Variants in CLEC1A observed in about 807,000 individuals in gnomAD.
CLEC1A encodes C-type lectin domain family 1 member A, also known as C-type lectin-like receptor-1.
A neutral mutation model predicts 28.7 loss-of-function variants in CLEC1A; 34 were observed. The observed-to-expected ratio is 1.18, with a 90% CI of 0.90 to 1.57. The LOEUF (loss-of-function observed/expected upper bound fraction) is 1.57, where lower values mean the gene tolerates loss of function less well. Among genes scored for constraint, CLEC1A ranks in the 40% most tolerant of loss-of-function variants. The pLI is 0.00. For synonymous variants in CLEC1A, 116 were observed against 121.0 expected, an observed-to-expected ratio of 0.96 and a Z score of 0.27; for missense variants, 385 against 339.5, an observed-to-expected ratio of 1.13 and a Z score of -1.05.
chr12:10,083,246 C>A (rs1866407397), intron 2 of CLEC1A, among the ~76,000 whole-genome samples: 2 of 152,146 alleles, frequency 1.3e-5, no homozygotes, highest in Admixed American at 6.5e-5. Flanking sequence ...CACTGAAATA[C>A]CCAATAGACC....
chr12:10,074,460 A>G lies in CLEC1A; in HGVS notation c.543+1044T>C, dbSNP rs558367768. On this transcript the variant is annotated intron_variant, in intron 4 of 5. Transcript: ENST00000315330. ...CAAATCATATGAAAAAGATTTAAAT[A>G]TATACAAATATATGAAGTTCATGAT... 3.3e-5 allele frequency among the ~76,000 whole-genome samples: 5 copies of G among 152,314 alleles called. No homozygotes were observed. The East Asian group carries it at 5.8e-4, about 18-fold the overall frequency.
chr12:10,081,378 CTT>C lies in CLEC1A; in HGVS notation c.248_249del (p.Gln83ArgfsTer36), dbSNP rs1242226676. 2.5e-6 allele frequency: 4 copies of C among 1,612,314 alleles called. No homozygotes were observed. In the South Asian group the frequency reaches 4.4e-5, roughly 18 times the overall value. On this transcript the variant is annotated frameshift_variant, in exon 3 of 6. Transcript: ENST00000315330. LOFTEE classifies it high-confidence loss of function. ...CTTTCTTCCATTTGAGAAATGGTGT[CTT>C]GACCAGTATTGGAGAGCTGGTAGTA... is the stretch of plus-strand genomic sequence containing the variant. ...FQYYQLSNTG[Q>X]DTISQMEERL...
At position 10,075,624 on chromosome 12, in the gene CLEC1A, C is replaced by T; in HGVS notation, c.423G>A (p.Trp141Ter). The change falls in exon 4 of 6, where the codon TGG becomes TGA. Residue 141 changes from tryptophan to a stop codon, truncating the protein, a stop_gained. Transcript: ENST00000315330. LOFTEE classifies it high-confidence loss of function. ...GGTAGCAATTGTCTCCATGCCATTT[C>T]CATTGTTCTGTACAAGGGCTGCACC... Reference protein sequence around the residue: ...AHRCSPCTEQWKWHGDNCYQF... With the variant: ...AHRCSPCTEQ 6.2e-7 allele frequency: 1 copy of T among 1,614,048 alleles called. No homozygotes were observed. Among genetic ancestry groups the T allele is most frequent in the Non-Finnish European group, 8.5e-7 (1 of 1,179,946 alleles).
chr12:10,096,136 C>G (rs1293882715), intron 1 of CLEC1A, among the ~76,000 whole-genome samples: 1 of 152,168 alleles, frequency 6.6e-6, no homozygotes, highest in Non-Finnish European at 1.5e-5. Context: ...GCCCAACCCA[C>G]ATCCTGCATA....
At chr12:10,082,852 G>A (rs1239728624) in intron 2 of CLEC1A, among the ~76,000 whole-genome samples, 6 of 152,344 alleles carry the variant, frequency 3.9e-5, no homozygotes, top group Admixed American at 3.3e-4. Context: ...GAGGTCCTGA[G>A]TGCATCCATC....
At chr12:10,071,570 T>C (rs1866135743) in intron 5 of CLEC1A, 57 bp from the exon 6 acceptor site, 1 of 1,326,206 alleles carries the variant, frequency 7.5e-7, no homozygotes, top group Non-Finnish European at 1.0e-6. Flanking sequence ...AATAAAATAT[T>C]AAATACCCAT....
chr12:10,095,901 G>A (rs1947770328), intron 1 of CLEC1A, among the ~76,000 whole-genome samples: 1 of 151,984 alleles, frequency 6.6e-6, no homozygotes, highest in African/African-American at 2.4e-5. Flanking sequence ...GCTCCTTTTG[G>A]AATCTTTCAT....
chr12:10,074,062 G>A (rs1866196205), intron 4 of CLEC1A, among the ~76,000 whole-genome samples: 1 of 151,936 alleles, frequency 6.6e-6, no homozygotes, highest in South Asian at 2.1e-4. Flanking sequence ...GATATTTTTG[G>A]AGGATTGGTG....
chr12:10,087,965 A>G (rs180678294), intron 2 of CLEC1A, among the ~76,000 whole-genome samples: 14 of 152,224 alleles, frequency 9.2e-5, no homozygotes, highest in Admixed American at 9.2e-4. Flanking sequence ...TTTTATGTAT[A>G]CTCTCAAATG....
intron 2 of CLEC1A, among the ~76,000 whole-genome samples, chr12:10,085,543 A>T (rs1266448448): frequency 2.0e-5 from 3 of 151,148 alleles, no homozygotes; most frequent in African/African-American, 7.3e-5. Flanking sequence ...CAGTAAAAAA[A>T]AAAAAAAAAA....
At chr12:10,093,706 C>T (rs562599621) in intron 1 of CLEC1A, among the ~76,000 whole-genome samples, 3 of 151,902 alleles carry the variant, frequency 2.0e-5, no homozygotes, top group East Asian at 3.9e-4. Flanking sequence ...TTATGTTTAA[C>T]GCTATACTCT....
intron 2 of CLEC1A, among the ~76,000 whole-genome samples, chr12:10,088,037 A>G (rs1281062084): frequency 3.2e-4 from 49 of 152,134 alleles, no homozygotes; most frequent in Admixed American, 3.2e-3. Flanking sequence ...TATTGACAAT[A>G]TACCATATAT....
rs557336859 is a variant in CLEC1A at position 10,097,017 on chromosome 12, G to A, written c.115+1791C>T. On this transcript the variant is annotated intron_variant, in intron 1 of 5. Coordinates refer to ENST00000315330, the MANE Select transcript of CLEC1A (RefSeq NM_016511.4). ...TGTATTAGACTTTCAATTTCCTTAT[G>A]AACAGGGACCATATCACATTGGACA... is the stretch of plus-strand genomic sequence containing the variant. Among the ~76,000 whole-genome samples the A allele has an allele frequency of 5.3e-5, 8 of 152,194 alleles. No individual in the cohort carries two copies. In the South Asian group the frequency reaches 1.7e-3, roughly 32 times the overall value.
At chr12:10,095,253 T>C (rs1947761891) in intron 1 of CLEC1A, among the ~76,000 whole-genome samples, 1 of 152,176 alleles carries the variant, frequency 6.6e-6, no homozygotes, top group African/African-American at 2.4e-5. Flanking sequence ...GTAATTAATG[T>C]GAACAAGGGA....
intron 1 of CLEC1A, among the ~76,000 whole-genome samples, chr12:10,092,013 G>T (rs1348978211): frequency 2.9e-5 from 2 of 69,908 alleles, no homozygotes; most frequent in Non-Finnish European, 1.3e-4. Context: ...GAATGAATAG[G>T]TCCATTATAT....
At chr12:10,085,196 AACACACAC>A (rs144572464) in intron 2 of CLEC1A, among the ~76,000 whole-genome samples, 2,854 of 129,134 alleles carry the variant, frequency 0.022, 32 homozygotes, top group Middle Eastern at 0.036. Flanking sequence ...ATAAGACAAT[AACACACAC>A]ACACACACAC....
At position 10,098,889 on chromosome 12, in the gene CLEC1A, G is replaced by A; in HGVS notation, c.34C>T (p.Leu12=). 2 of 1,613,596 alleles carry A rather than the reference G, an allele frequency of 1.2e-6. No homozygotes were observed. The highest frequency in any genetic ancestry group is 1.7e-6 in the Non-Finnish European group (2 of 1,179,780). ...ATGGTGGTGTCCCCATCATCATCCAGCATGTCCCTCGTGCTGCTGTACTTG... is the reference window on the plus strand; with the variant it reads ...ATGGTGGTGTCCCCATCATCATCCAACATGTCCCTCGTGCTGCTGTACTTG... The part of the protein sequence containing the change: ...QAKYSSTRDM[L]DDDGDTTMSL... The change falls in exon 1 of 6, where the codon CTG becomes TTG. Residue 12 remains leucine, a synonymous_variant. Coordinates refer to ENST00000315330, the MANE Select transcript of CLEC1A (RefSeq NM_016511.4).
At chr12:10,072,323 T>G (rs1173553728) in intron 5 of CLEC1A, among the ~76,000 whole-genome samples, 1 of 152,156 alleles carries the variant, frequency 6.6e-6, no homozygotes, top group Non-Finnish European at 1.5e-5. Flanking sequence ...CAATTAAACC[T>G]CCTTTCTTTA....
At chr12:10,084,706 C>G (rs1375942271) in intron 2 of CLEC1A, among the ~76,000 whole-genome samples, 2 of 150,682 alleles carry the variant, frequency 1.3e-5, no homozygotes, top group Non-Finnish European at 2.9e-5. Flanking sequence ...CCTGTAGTCC[C>G]AGCTACTCAG....
Sources: gnomAD v4.1 joint callset for allele counts (sites outside exome capture counted in the v4.1 genomes callset) on GRCh38, gnomAD v4.1.1 for gene constraint, MANE v1.5 for transcripts, NCBI Gene and HGNC (gene_info 2026-07-23, HGNC 2026-07-21) for gene names.